The following DNAH9 variants were observed in gnomAD, a reference collection of about 807,000 sequenced individuals.
DNAH9 encodes the protein DNAH9 variant protein.
Under a neutral mutation model 471.6 loss-of-function variants are expected in DNAH9, and 345 were observed. The ratio of observed to expected loss-of-function variants is 0.73; its 90% CI spans 0.67 to 0.80. The LOEUF is 0.80. Ranked by LOEUF, DNAH9 falls within the 30% of genes least tolerant of loss-of-function variation. The probability of loss-of-function intolerance (pLI) is 0.00; values close to 1 mark genes in which losing one functional copy is unlikely to be tolerated. For synonymous variants in DNAH9, 2,093 were observed against 2,123.6 expected (o/e 0.99, Z 0.40); for missense variants, 5,407 against 5,609.2 (o/e 0.96, Z 1.15).
chr17:11,814,473 G>A (rs1970025713), intron 45 of DNAH9, among the ~76,000 whole-genome samples: 1 of 152,156 alleles, frequency 6.6e-6, no homozygotes, highest in Non-Finnish European at 1.5e-5. Flanking sequence ...AGGCTGAATT[G>A]TTTTATTCAA....
At chr17:11,604,940 T>C (rs1011542816) in intron 1 of DNAH9, among the ~76,000 whole-genome samples, 35 of 152,154 alleles carry the variant, frequency 2.3e-4, no homozygotes, top group Admixed American at 2.0e-3. Context: ...CCTATGGCAC[T>C]CCTTTGCTCA....
chr17:11,949,668 A>AG, intron 67 of DNAH9, among the ~76,000 whole-genome samples: 1 of 151,994 alleles, frequency 6.6e-6, no homozygotes, highest in African/African-American at 2.4e-5. Flanking sequence ...TTCAGTAGAG[A>AG]GGGGGTTTCT....
At chr17:11,902,144 GAGT>G (rs1195610644) in intron 59 of DNAH9, among the ~76,000 whole-genome samples, 2 of 152,230 alleles carry the variant, frequency 1.3e-5, no homozygotes, top group Non-Finnish European at 2.9e-5. Flanking sequence ...GAGTGGGACA[GAGT>G]AGGAGGACAC....
At chr17:11,714,311 T>A (rs2074923140) in intron 26 of DNAH9, among the ~76,000 whole-genome samples, 2 of 152,206 alleles carry the variant, frequency 1.3e-5, no homozygotes, top group Non-Finnish European at 2.9e-5. Flanking sequence ...TAAATTGGAT[T>A]TTGTTGGGTC....
At chr17:11,667,214 T>G (rs751368708) in intron 15 of DNAH9, among the ~76,000 whole-genome samples, 1 of 152,226 alleles carries the variant, frequency 6.6e-6, no homozygotes, top group Admixed American at 6.5e-5. Flanking sequence ...GTACATAATA[T>G]GTATATTAAT....
At chr17:11,825,152 A>C (rs1970446697) in intron 48 of DNAH9, among the ~76,000 whole-genome samples, 1 of 152,148 alleles carries the variant, frequency 6.6e-6, no homozygotes, top group Non-Finnish European at 1.5e-5. Flanking sequence ...CACAGATCCC[A>C]GTCTAGGTCC....
intron 9 of DNAH9, among the ~76,000 whole-genome samples, chr17:11,637,430 G>C (rs11654438): frequency 1.3e-5 from 2 of 152,070 alleles, no homozygotes; most frequent in Non-Finnish European, 2.9e-5. Flanking sequence ...TGCTCGGCTT[G>C]AGTTGTAAAG....
At chr17:11,704,119 A>T (rs776921534) in intron 24 of DNAH9, 84 bp from the exon 25 acceptor site, 14 of 1,497,404 alleles carry the variant, frequency 9.3e-6, no homozygotes, top group African/African-American at 1.4e-5. Flanking sequence ...ACACAATTAC[A>T]TCCTGAGCCC....
intron 28 of DNAH9, among the ~76,000 whole-genome samples, chr17:11,728,209 C>T (rs2075190895): frequency 6.6e-6 from 1 of 152,098 alleles, no homozygotes. Flanking sequence ...CATCTGGGCA[C>T]AGAAACATGA....
At chr17:11,883,826 TGA>T (rs1237067626) in intron 56 of DNAH9, 76 bp downstream of exon 56, 27 of 1,464,286 alleles carry the variant, frequency 1.8e-5, no homozygotes, top group Non-Finnish European at 2.5e-5. Context: ...TCTTAGACAA[TGA>T]GTCTGACTTT....
chr17:11,709,367 T>C (rs2074792389), intron 26 of DNAH9, among the ~76,000 whole-genome samples: 2 of 152,216 alleles, frequency 1.3e-5, no homozygotes, highest in African/African-American at 2.4e-5. Context: ...TCTCATTGAC[T>C]TCCATTATTA....
chr17:11,761,711 G>A (rs1209818471), intron 35 of DNAH9, among the ~76,000 whole-genome samples: 1 of 151,954 alleles, frequency 6.6e-6, no homozygotes. Flanking sequence ...GGTTTTCCAG[G>A]CAAGAGTCCT....
intron 35 of DNAH9, among the ~76,000 whole-genome samples, chr17:11,760,983 C>T (rs1259302805): frequency 2.0e-5 from 3 of 152,204 alleles, no homozygotes; most frequent in African/African-American, 7.2e-5. Context: ...CCTGTCACTA[C>T]GAAGCCGTGT....
chr17:11,822,022 G>C lies in DNAH9; in HGVS notation c.8810G>C (p.Cys2937Ser). The change falls in exon 46 of 69, where the codon TGT (cysteine) becomes TCT (serine). Residue 2937 changes from cysteine (C) to serine (S), a missense_variant. By Grantham distance (112) the Cys-to-Ser change is moderately radical. This residue lies in a region of DNAH9 where 4,636 missense variants were observed against 4,900.3 expected (regional missense o/e 0.95). Transcript: ENST00000262442. ...SQGLVDNREN[C>S]WKFFIDRIRR... ...GGTCTGGTTGACAACAGAGAGAACT[G>C]TTGGAAGTTCTTTATAGATCGGATC... 6.2e-7 allele frequency: 1 copy of C among 1,614,112 alleles called. No individual in the cohort carries two copies. The highest frequency in any genetic ancestry group is 8.5e-7 in the Non-Finnish European group (1 of 1,180,004).
chr17:11,820,058 G>A (rs1970254886), intron 45 of DNAH9, among the ~76,000 whole-genome samples: 1 of 152,016 alleles, frequency 6.6e-6, no homozygotes, highest in South Asian at 2.1e-4. Flanking sequence ...TTACTACTAG[G>A]TATGTTTGCT....
At chr17:11,777,445 A>G (rs997384458) in intron 38 of DNAH9, among the ~76,000 whole-genome samples, 8 of 152,210 alleles carry the variant, frequency 5.3e-5, no homozygotes, top group Non-Finnish European at 1.2e-4. Context: ...AAACAAAAGA[A>G]TTCATAAAGA....
intron 9 of DNAH9, among the ~76,000 whole-genome samples, chr17:11,638,047 G>A (rs1040273188): frequency 1.2e-4 from 19 of 152,144 alleles, no homozygotes; most frequent in Non-Finnish European, 7.4e-5. Flanking sequence ...ACATTCATTC[G>A]GCCATGGCAT....
chr17:11,934,133 C>T (rs1974615786), intron 65 of DNAH9, 62 bp downstream of exon 65: 2 of 1,525,296 alleles, frequency 1.3e-6, no homozygotes, highest in Non-Finnish European at 1.8e-6. Context: ...GGGTATTCCT[C>T]CCACGCCGAC....
intron 65 of DNAH9, among the ~76,000 whole-genome samples, chr17:11,934,955 T>A (rs1974656871): frequency 6.6e-6 from 1 of 152,166 alleles, no homozygotes; most frequent in East Asian, 1.9e-4. Context: ...AGCATTCTCA[T>A]GAAGGCTTTC....
Sources: gnomAD v4.1 joint callset for allele counts (sites outside exome capture counted in the v4.1 genomes callset) on GRCh38, gnomAD v4.1.1 for gene constraint, gnomAD v4.1.1 regional missense constraint, MANE v1.5 for transcripts, NCBI Gene and HGNC (gene_info 2026-07-23, HGNC 2026-07-21) for gene names.